Variants in LTBP1 observed in about 807,000 individuals in gnomAD.
LTBP1 encodes latent-transforming growth factor beta-binding protein 1.
LTBP1 carries 129 observed loss-of-function variants against 207.6 expected under a neutral mutation model. That is an observed-to-expected ratio of 0.62 (90% CI 0.54 to 0.72). The LOEUF (loss-of-function observed/expected upper bound fraction) is 0.72. Ranked by LOEUF, LTBP1 falls within the 30% of genes least tolerant of loss-of-function variation. The pLI, the probability that LTBP1 is intolerant of heterozygous loss-of-function variation, is 0.00. For synonymous variants in LTBP1, 963 were observed against 833.7 expected (o/e 1.16, Z -2.67); for missense variants, 2,281 against 2,217.2 (o/e 1.03, Z -0.58).
chr2:33,152,439 G>T (rs1401423061), intron 5 of LTBP1, among the ~76,000 whole-genome samples: 1 of 152,164 alleles, frequency 6.6e-6, no homozygotes, highest in Admixed American at 6.5e-5. Context: ...TGGATGTGGT[G>T]AACAGGGAAC....
intron 5 of LTBP1, among the ~76,000 whole-genome samples, chr2:33,178,895 T>C (rs953984343): frequency 7.2e-5 from 11 of 152,130 alleles, no homozygotes; most frequent in African/African-American, 2.7e-4. Context: ...TCTGGCATGC[T>C]TTATTTTCCT....
intron 26 of LTBP1, among the ~76,000 whole-genome samples, chr2:33,357,954 G>T (rs1037633859): frequency 6.6e-6 from 1 of 152,154 alleles, no homozygotes; most frequent in African/African-American, 2.4e-5. Flanking sequence ...ACTCATGTAG[G>T]AGTTTCTTTA....
At chr2:33,221,907 G>GAA (rs2091133670) in intron 8 of LTBP1, among the ~76,000 whole-genome samples, 173 bp from the exon 9 acceptor site, 1 of 152,116 alleles carries the variant, frequency 6.6e-6, no homozygotes. Flanking sequence ...TAAGTATCCT[G>GAA]AAAAATAAGC....
At position 33,304,157 on chromosome 2, in the gene LTBP1, G is replaced by A. The variant is rs375578435; in HGVS notation, c.3481+2513G>A. ...AGATATGACTATGTTCCGTAAGAAA[G>A]CTTCTTTTGGAATATATAATCAGGC... On this transcript the variant is annotated intron_variant, in intron 22 of 33. Coordinates refer to ENST00000404816, the MANE Select transcript of LTBP1 (RefSeq NM_206943.4). Among the ~76,000 whole-genome samples the A allele has an allele frequency of 1.4e-4, 22 of 152,266 alleles. No individual in the cohort carries two copies. In the East Asian group the frequency reaches 2.1e-3, roughly 15 times the overall value.
intron 10 of LTBP1, among the ~76,000 whole-genome samples, chr2:33,245,884 TA>T (rs1374987705): frequency 5.9e-5 from 9 of 152,226 alleles, no homozygotes; most frequent in Non-Finnish European, 2.9e-5. Flanking sequence ...CTTGCAGAAC[TA>T]GTCACAAAAC....
At chr2:33,028,382 G>A (rs2075532998) in intron 3 of LTBP1, among the ~76,000 whole-genome samples, 1 of 152,116 alleles carries the variant, frequency 6.6e-6, no homozygotes, top group Non-Finnish European at 1.5e-5. Context: ...TCAAAACCAT[G>A]TGAGAGGCCT....
chr2:33,230,041 A>G (rs2091699713), intron 9 of LTBP1, among the ~76,000 whole-genome samples: 1 of 152,206 alleles, frequency 6.6e-6, no homozygotes, highest in Admixed American at 6.5e-5. Flanking sequence ...GTAAAATGAA[A>G]TCGAACTTGC....
At chr2:33,100,332 G>A (rs2079645687) in intron 3 of LTBP1, among the ~76,000 whole-genome samples, 1 of 152,074 alleles carries the variant, frequency 6.6e-6, no homozygotes. Context: ...CATCTCAAAT[G>A]GTTACCTAAA....
intron 10 of LTBP1, among the ~76,000 whole-genome samples, chr2:33,247,491 A>G (rs2092549814): frequency 6.6e-6 from 1 of 152,214 alleles, no homozygotes; most frequent in Non-Finnish European, 1.5e-5. Context: ...ATAAAGTTTT[A>G]TTGGAACACA....
At chr2:33,383,865 T>G (rs2095242956) in intron 31 of LTBP1, among the ~76,000 whole-genome samples, 2 of 152,192 alleles carry the variant, frequency 1.3e-5, no homozygotes, top group Admixed American at 6.6e-5. Context: ...TGCATGAAAA[T>G]TGGTCCTTGT....
chr2:33,125,192 G>A (rs1011212259), intron 4 of LTBP1, among the ~76,000 whole-genome samples: 9 of 152,174 alleles, frequency 5.9e-5, no homozygotes, highest in African/African-American at 1.9e-4. Flanking sequence ...GCATTGGGGC[G>A]TATCGAGGAA....
At chr2:32,995,176 C>G (rs984390123) in intron 2 of LTBP1, among the ~76,000 whole-genome samples, 1 of 149,526 alleles carries the variant, frequency 6.7e-6, no homozygotes, top group African/African-American at 2.4e-5. Flanking sequence ...GTGTGAGACC[C>G]TGTCTCCAAA....
At chr2:33,358,399 A>ATG (rs961727179) in intron 26 of LTBP1, among the ~76,000 whole-genome samples, 2 of 151,788 alleles carry the variant, frequency 1.3e-5, no homozygotes, top group African/African-American at 2.4e-5. Context: ...GTCTATATAT[A>ATG]TGTGTGTGTG....
At chr2:33,254,900 T>A (rs1253474811) in intron 11 of LTBP1, among the ~76,000 whole-genome samples, 1 of 121,040 alleles carries the variant, frequency 8.3e-6, no homozygotes. Flanking sequence ...TCTATTACAT[T>A]TATTAATATC....
chr2:33,202,773 T>G (rs994532956), intron 7 of LTBP1, among the ~76,000 whole-genome samples: 4 of 152,240 alleles, frequency 2.6e-5, no homozygotes, highest in African/African-American at 9.6e-5. Context: ...CCACATGCCC[T>G]TATGGATAGG....
intron 4 of LTBP1, among the ~76,000 whole-genome samples, chr2:33,132,156 G>T (rs929963774): frequency 1.3e-5 from 2 of 152,168 alleles, no homozygotes; most frequent in African/African-American, 4.8e-5. Context: ...GGAAAATGTT[G>T]TCTCTTTTTT....
intron 32 of LTBP1, among the ~76,000 whole-genome samples, chr2:33,394,750 C>G (rs2095344271): frequency 6.6e-6 from 1 of 152,144 alleles, no homozygotes; most frequent in South Asian, 2.1e-4. Context: ...ATGCCTCCAG[C>G]TTTGTTCTTT....
intron 15 of LTBP1, among the ~76,000 whole-genome samples, chr2:33,271,227 A>G (rs1403486367): frequency 6.6e-6 from 1 of 152,174 alleles, no homozygotes; most frequent in African/African-American, 2.4e-5. Flanking sequence ...CAAGCTTTTC[A>G]TGAAAACCCC....
intron 3 of LTBP1, among the ~76,000 whole-genome samples, chr2:33,054,209 C>T (rs1180439489): frequency 6.6e-6 from 1 of 152,160 alleles, no homozygotes; most frequent in Non-Finnish European, 1.5e-5. Flanking sequence ...TTGCACTAGT[C>T]TCCACTGACC....
Sources: gnomAD v4.1 joint callset for allele counts (sites outside exome capture counted in the v4.1 genomes callset) on GRCh38, gnomAD v4.1.1 for gene constraint, MANE v1.5 for transcripts, NCBI Gene and HGNC (gene_info 2026-07-23, HGNC 2026-07-21) for gene names.